Variants in CHD1 observed in about 807,000 individuals in gnomAD.
The protein encoded by CHD1 is ATP-dependent chromatin remodeler CHD1.
A neutral mutation model predicts 224.2 loss-of-function variants in CHD1; 36 were observed. The ratio of observed to expected loss-of-function variants is 0.16; its 90% CI spans 0.12 to 0.21. CHD1 has a LOEUF of 0.21. Among genes scored for constraint, CHD1 ranks in the 10% least tolerant of loss-of-function variants. CHD1 has a pLI of 1.00. For synonymous variants in CHD1, 668 were observed against 658.3 expected, an observed-to-expected ratio of 1.01 and a Z score of -0.23; for missense variants, 1,378 against 1,994.8, an observed-to-expected ratio of 0.69 and a Z score of 5.89.
chr5:98,912,090 G>T (rs972460235), intron 2 of CHD1, among the ~76,000 whole-genome samples: 1 of 149,184 alleles, frequency 6.7e-6, no homozygotes, highest in Admixed American at 6.6e-5. Context: ...ATACTGAAGT[G>T]TAAGAGGTGT....
chr5:98,899,780 T>A (rs988334249), intron 7 of CHD1, 75 bp from the exon 8 acceptor site: 24 of 977,486 alleles, frequency 2.5e-5, no homozygotes, highest in Non-Finnish European at 3.8e-5. Flanking sequence ...AAAATTTCAA[T>A]AATATGAGTA....
chr5:98,900,740 C>A, intron 7 of CHD1, 71 bp downstream of exon 7: 1 of 1,374,184 alleles, frequency 7.3e-7, no homozygotes, highest in Non-Finnish European at 1.0e-6. Context: ...GGGCGACCCA[C>A]TGTGCCCAGC....
At chr5:98,923,910 T>C (rs1277422060) in intron 2 of CHD1, among the ~76,000 whole-genome samples, 2 of 152,206 alleles carry the variant, frequency 1.3e-5, no homozygotes, top group Non-Finnish European at 2.9e-5. Context: ...TTTGGTTCCT[T>C]TGTTTCCTCT....
chr5:98,918,542 G>T (rs1303520917), intron 2 of CHD1, among the ~76,000 whole-genome samples: 3 of 150,448 alleles, frequency 2.0e-5, no homozygotes, highest in Admixed American at 2.0e-4. Flanking sequence ...GGCCAAGGCG[G>T]GCGGATCACG....
intron 32 of CHD1, 139 bp downstream of exon 32, chr5:98,863,269 A>G (rs1748609969): frequency 4.3e-6 from 2 of 468,742 alleles, no homozygotes; most frequent in Admixed American, 8.4e-5. Flanking sequence ...AAGGGAGAAA[A>G]ATTAAAACAA....
At chr5:98,860,976 T>C (rs1467883280) in intron 32 of CHD1, among the ~76,000 whole-genome samples, 1 of 152,200 alleles carries the variant, frequency 6.6e-6, no homozygotes, top group Non-Finnish European at 1.5e-5. Context: ...TAAAGTACCT[T>C]TTTGTTCCTA....
intron 1 of CHD1, among the ~76,000 whole-genome samples, chr5:98,926,736 T>C (rs1753482056): frequency 6.6e-6 from 1 of 152,154 alleles, no homozygotes; most frequent in Non-Finnish European, 1.5e-5. Flanking sequence ...AGTATGCTAC[T>C]GCTAATATAC....
At chr5:98,900,594 C>T (rs1042350919) in intron 7 of CHD1, among the ~76,000 whole-genome samples, 1 of 151,820 alleles carries the variant, frequency 6.6e-6, no homozygotes, top group Non-Finnish European at 1.5e-5. Context: ...TGCGCACCAC[C>T]TCACCTAGCT....
At chr5:98,911,287 T>C (rs2112585904) in intron 2 of CHD1, among the ~76,000 whole-genome samples, 1 of 150,886 alleles carries the variant, frequency 6.6e-6, no homozygotes, top group South Asian at 2.1e-4. Context: ...CAGTTAAGGA[T>C]CACTGCTCAG....
chr5:98,905,418 G>A (rs1366402214), intron 2 of CHD1, among the ~76,000 whole-genome samples: 1 of 152,068 alleles, frequency 6.6e-6, no homozygotes, highest in Non-Finnish European at 1.5e-5. Flanking sequence ...ACAAAATCCT[G>A]GGTTAGAAAC....
chr5:98,863,644 G>T, intron 31 of CHD1, 58 bp from the exon 32 acceptor site: 1 of 1,153,024 alleles, frequency 8.7e-7, no homozygotes, highest in Non-Finnish European at 1.2e-6. Context: ...AATTCAACAA[G>T]GTCTACCTCC....
rs749500789 is a variant in CHD1, at chr5:98,855,228, C to T, written c.*1152G>A. 6.6e-6 allele frequency: 1 copy of T among 152,442 alleles called. No individual in the cohort carries two copies. The highest frequency in any genetic ancestry group is 1.5e-5 in the Non-Finnish European group (1 of 68,028). 9.4% of individuals were successfully genotyped at this position (152,442 alleles called of 1,614,324 possible). A position where few individuals can be genotyped will look rare whatever the true frequency, so the allele number is the denominator to read the frequency against. The stretch of plus-strand genomic sequence containing the variant: ...ATCCTTTTTCTTAAATTTAATTTGT[C>T]ATATATAACGTTTTTATATACAATC... On this transcript the variant is annotated 3_prime_UTR_variant, in exon 36 of 36. Transcript: ENST00000614616.
intron 2 of CHD1, among the ~76,000 whole-genome samples, chr5:98,922,310 T>C (rs1033430811): frequency 4.6e-5 from 7 of 152,216 alleles, no homozygotes; most frequent in Non-Finnish European, 8.8e-5. Flanking sequence ...CATAAAACTT[T>C]GTGTTGAGCT....
chr5:98,909,044 C>A (rs1230889706), intron 2 of CHD1, among the ~76,000 whole-genome samples: 1 of 152,118 alleles, frequency 6.6e-6, no homozygotes, highest in African/African-American at 2.4e-5. Context: ...CCACAATTAG[C>A]AACTCATACC....
intron 31 of CHD1, among the ~76,000 whole-genome samples, 161 bp downstream of exon 31, chr5:98,868,331 GAAA>G (rs58475767): frequency 1.6e-4 from 15 of 91,700 alleles, no homozygotes; most frequent in South Asian, 7.4e-4. Context: ...ACTCAAAAAA[GAAA>G]AAAAAAAAAA....
intron 2 of CHD1, among the ~76,000 whole-genome samples, chr5:98,920,378 C>T (rs1274889908): frequency 2.0e-5 from 3 of 152,122 alleles, no homozygotes; most frequent in Non-Finnish European, 4.4e-5. Flanking sequence ...CTACCTTGAC[C>T]AAGTGAGAGG....
At chr5:98,859,588 A>G (rs988012958) in intron 33 of CHD1, among the ~76,000 whole-genome samples, 3 of 152,162 alleles carry the variant, frequency 2.0e-5, no homozygotes, top group African/African-American at 7.2e-5. Context: ...TAACACATAT[A>G]TTTTTGGCAA....
Position 98,873,639 on chromosome 5 carries a change from A to T in CHD1, c.3525T>A (p.Gly1175=). 6.2e-7 allele frequency: 1 copy of T among 1,609,210 alleles called. No individual in the cohort carries two copies. The highest frequency in any genetic ancestry group is 8.5e-7 in the Non-Finnish European group (1 of 1,177,986). ...LRRLGELVHN[G]CIKALKDSSS... ...AACTATCCTTTAATGCTTTAATGCA[A>T]CCATTATGTACCAATTCTCCCAGTC... Residue 1175 remains glycine (G), a synonymous_variant, in exon 26 of 36, where the codon GGT becomes GGA. Transcript: ENST00000614616.
At chr5:98,892,760 G>A (rs1297117276) in intron 14 of CHD1, 47 bp from the exon 15 acceptor site, 4 of 1,278,838 alleles carry the variant, frequency 3.1e-6, no homozygotes, top group Admixed American at 2.4e-5. Context: ...AAATCAAATT[G>A]TGTATGTTGT....
Sources: allele counts gnomAD v4.1 joint callset (sites outside exome capture counted in the v4.1 genomes callset), GRCh38; gene constraint gnomAD v4.1.1; transcripts MANE v1.5; gene names NCBI Gene and HGNC (gene_info 2026-07-23, HGNC 2026-07-21).